Variants in ING5 observed in about 807,000 individuals in gnomAD.
The protein encoded by ING5 is inhibitor of growth family member 5.
In ING5, 17 loss-of-function variants were observed where a neutral mutation model predicts 37.4. The observed-to-expected ratio is 0.45, with a 90% CI of 0.31 to 0.68. ING5 has a LOEUF of 0.68. Ranked by LOEUF, ING5 falls within the 30% of genes least tolerant of loss-of-function variation. The pLI is 0.05. For synonymous variants in ING5, 123 were observed against 116.6 expected (o/e 1.06, Z -0.36); for missense variants, 233 against 311.9 (o/e 0.75, Z 1.91).
intron 2 of ING5, among the ~76,000 whole-genome samples, chr2:241,708,688 G>A (rs999836001): frequency 6.6e-6 from 1 of 152,120 alleles, no homozygotes; most frequent in Admixed American, 6.6e-5. Flanking sequence ...TTGCTGAGTA[G>A]CACTCTGTTG....
chr2:241,709,500 G>T, intron 3 of ING5, 118 bp downstream of exon 3: 1 of 864,284 alleles, frequency 1.2e-6, no homozygotes, highest in Non-Finnish European at 1.8e-6. Context: ...GGCTTTGGTA[G>T]CTGACGCTGC....
At chr2:241,692,892 A>G (rs1160809607) in intron 2 of ING5, among the ~76,000 whole-genome samples, 1 of 152,128 alleles carries the variant, frequency 6.6e-6, no homozygotes, top group Non-Finnish European at 1.5e-5. Context: ...CTGTCTGAGC[A>G]TCATGGGTCT....
intron 2 of ING5, among the ~76,000 whole-genome samples, chr2:241,705,394 C>CTTTTTTTTTTTTTTT (rs774566608): frequency 8.5e-6 from 1 of 117,272 alleles, no homozygotes; most frequent in East Asian, 3.2e-4. Context: ...CTGTTTTTTT[C>CTTTTTTTTTTTTTTT]TTTTTTTTTT....
chr2:241,725,102 C>A lies in ING5; in HGVS notation c.*71C>A. The stretch of plus-strand genomic sequence containing the variant: ...TCATTCGTGTCGCAATATTTCCCTT[C>A]CTTTTAAAACTACCTTGTTCGGTTG... On this transcript the variant is annotated 3_prime_UTR_variant, in exon 8 of 8. Transcript: ENST00000313552. 2.0e-6 allele frequency: 3 copies of A among 1,487,090 alleles called. No homozygotes were observed. Among genetic ancestry groups the A allele is most frequent in the East Asian group, 2.3e-5 (1 of 44,290 alleles). 92.1% of individuals were successfully genotyped at this position (1,487,090 alleles called of 1,614,324 possible). A position where few individuals can be genotyped will look rare whatever the true frequency, so the allele number is the denominator to read the frequency against.
chr2:241,693,898 A>C (rs2069593782), intron 2 of ING5, among the ~76,000 whole-genome samples: 1 of 150,610 alleles, frequency 6.6e-6, no homozygotes, highest in South Asian at 2.1e-4. Flanking sequence ...ACCTCAGGTG[A>C]TCCACCCGCC....
exon 1 of ING5, chr2:241,687,132 G>A (rs2124840517): frequency 2.6e-6 from 1 of 389,454 alleles, no homozygotes; most frequent in African/African-American, 2.1e-5. Flanking sequence ...GCGGACGAGG[G>A]GAGCGCAGGG....
chr2:241,710,351 A>G (rs148748087), intron 3 of ING5, among the ~76,000 whole-genome samples: 3,390 of 151,750 alleles, frequency 0.022, 127 homozygotes, highest in African/African-American at 0.078. Context: ...CGCCCAGACT[A>G]GGGTGCAGTG....
intron 4 of ING5, 101 bp downstream of exon 4, chr2:241,711,589 G>A (rs946339977): frequency 4.5e-6 from 4 of 896,344 alleles, no homozygotes; most frequent in Non-Finnish European, 6.8e-6. Context: ...ACTAGGGTAA[G>A]TATCATATTT....
chr2:241,708,509 G>A (rs2069996055), intron 2 of ING5, among the ~76,000 whole-genome samples: 1 of 152,200 alleles, frequency 6.6e-6, no homozygotes, highest in South Asian at 2.1e-4. Flanking sequence ...GCCTGGCCTA[G>A]TTTTCTTACC....
At chr2:241,688,338 G>A (rs1312169149) in intron 1 of ING5, among the ~76,000 whole-genome samples, 2 of 152,216 alleles carry the variant, frequency 1.3e-5, no homozygotes, top group Non-Finnish European at 2.9e-5. Flanking sequence ...TGTAGACCAA[G>A]AAATTGCTGG....
At position 241,725,150 on chromosome 2, in the gene ING5, G is replaced by C. The variant is rs1691562507; in HGVS notation, c.*119G>C. Reference sequence around the variant, plus strand: ...TTGATACTTAGTAACTCCGTGGCCAGTTGAAGCGCTGGATGTTTCCTAGAA... The same window carrying C: ...TTGATACTTAGTAACTCCGTGGCCACTTGAAGCGCTGGATGTTTCCTAGAA... On this transcript the variant is annotated 3_prime_UTR_variant, in exon 8 of 8. Transcript: ENST00000313552. 9.4e-7 allele frequency: 1 copy of C among 1,062,924 alleles called. No individual in the cohort carries two copies. The highest frequency in any genetic ancestry group is 1.4e-6 in the Non-Finnish European group (1 of 695,178). The allele number at this position is 1,062,924 out of a possible 1,614,324, so 65.8% of individuals were successfully genotyped here.
intron 5 of ING5, among the ~76,000 whole-genome samples, chr2:241,713,286 G>C (rs1019592166): frequency 6.6e-6 from 1 of 151,296 alleles, no homozygotes; most frequent in Non-Finnish European, 1.5e-5. Flanking sequence ...TCGAACTCCT[G>C]ACCTCAGGTG....
chr2:241,725,454 C>T lies in ING5; in HGVS notation c.*423C>T, dbSNP rs1428073427. ...TCCGCGTGCCCCGCCCGCTGGAGCA[C>T]CTGCCACCGAGGCGCGCGTGGGGCC... On this transcript the variant is annotated 3_prime_UTR_variant, in exon 8 of 8. Coordinates refer to ENST00000313552, the MANE Select transcript of ING5 (RefSeq NM_032329.6). The T allele has an allele frequency of 1.9e-5, 3 of 155,824 alleles. No individual in the cohort carries two copies. Among genetic ancestry groups the T allele is most frequent in the South Asian group, 1.9e-4 (1 of 5,222 alleles). The allele number at this position is 155,824 out of a possible 1,614,324, so 9.7% of individuals were successfully genotyped here.
chr2:241,711,706 A>C (rs1027834462), intron 4 of ING5: 17 of 574,862 alleles, frequency 3.0e-5, no homozygotes, highest in African/African-American at 3.8e-5. Context: ...TTTGAGACCA[A>C]CCTGGGCAAC....
upstream of ING5, among the ~76,000 whole-genome samples, chr2:241,699,264 A>G (rs1163264500): frequency 6.6e-6 from 1 of 151,952 alleles, no homozygotes; most frequent in African/African-American, 2.4e-5. Flanking sequence ...ACCTCAGGTG[A>G]TCCACCCACC....
Position 241,709,390 on chromosome 2 carries a change from C to A in ING5, c.276+8C>A. 6.2e-7 allele frequency: 1 copy of A among 1,608,974 alleles called. No individual in the cohort carries two copies. The highest frequency in any genetic ancestry group is 8.5e-7 in the Non-Finnish European group (1 of 1,177,246). On this transcript the variant is annotated splice_region_variant and intron_variant, in intron 3 of 7. Transcript: ENST00000313552. ...ATGCAGACCTACGAGATGGTGAGGGCGGGGCGGGGGCCATGGCTCTTCCTC... is the reference window on the plus strand; with the variant it reads ...ATGCAGACCTACGAGATGGTGAGGGAGGGGCGGGGGCCATGGCTCTTCCTC...
rs1241596730 is a variant in ING5, at chr2:241,725,946, G to C, written c.*915G>C. The C allele has an allele frequency of 6.6e-6, 1 of 152,576 alleles. No individual in the cohort carries two copies. Among genetic ancestry groups the C allele is most frequent in the Admixed American group, 6.5e-5 (1 of 15,284 alleles). The allele number at this position is 152,576 out of a possible 1,614,324, so 9.5% of individuals were successfully genotyped here. ...GTCGAGGGGACTCCGATGTGAATTT[G>C]TTGTGAATTTGTTGTGCCACAATAG... is the stretch of plus-strand genomic sequence containing the variant. On this transcript the variant is annotated 3_prime_UTR_variant, in exon 8 of 8. Coordinates refer to ENST00000313552, the MANE Select transcript of ING5 (RefSeq NM_032329.6).
rs902509599 is a variant in ING5, at chr2:241,722,802, A to G, written c.483-137A>G. On this transcript the variant is annotated intron_variant, in intron 5 of 7. Coordinates refer to ENST00000313552, the MANE Select transcript of ING5 (RefSeq NM_032329.6). Reference sequence around the variant, plus strand: ...ATGTGTCGCTCAGAGCACGGTACCAATTTCCCCCTTGGAATGATTGTCTTC... The same window carrying G: ...ATGTGTCGCTCAGAGCACGGTACCAGTTTCCCCCTTGGAATGATTGTCTTC... 38 of 1,505,866 alleles carry G rather than the reference A, an allele frequency of 2.5e-5. No individual in the cohort carries two copies. The Middle Eastern group carries it at 7.4e-4, about 29-fold the overall frequency. The allele number at this position is 1,505,866 out of a possible 1,614,324, so 93.3% of individuals were successfully genotyped here. A position where few individuals can be genotyped will look rare whatever the true frequency, so the allele number is the denominator to read the frequency against.
chr2:241,723,993 G>A (rs939279532), intron 7 of ING5: 68 of 1,339,606 alleles, frequency 5.1e-5, no homozygotes, highest in Middle Eastern at 5.4e-4. Context: ...CTGGGCGAGA[G>A]AGCAAGACCC....
Sources: allele counts gnomAD v4.1 joint callset (sites outside exome capture counted in the v4.1 genomes callset), GRCh38; gene constraint gnomAD v4.1.1; transcripts MANE v1.5; gene names NCBI Gene and HGNC (gene_info 2026-07-23, HGNC 2026-07-21).